Variants in PDE3B observed in about 807,000 individuals in gnomAD.
The protein encoded by PDE3B is phosphodiesterase 3B, also known as cGMP-inhibited 3',5'-cyclic phosphodiesterase 3B.
In PDE3B, 66 loss-of-function variants were observed where a neutral mutation model predicts 116.8. That is an observed-to-expected ratio of 0.56 (90% confidence interval 0.46 to 0.69). PDE3B has a LOEUF of 0.69. Among genes scored for constraint, PDE3B ranks in the 30% least tolerant of loss-of-function variants. The pLI, the probability that PDE3B is intolerant of heterozygous loss-of-function variation, is 0.00. For missense variants in PDE3B, 1,384 were observed against 1,368.1 expected (o/e 1.01, Z -0.18); for synonymous variants, 595 against 533.6 (o/e 1.12, Z -1.59).
rs145926540 is a variant in PDE3B at position 14,705,256 on chromosome 11, A to G, written c.978+60203A>G. 4.5e-3 allele frequency among the ~76,000 whole-genome samples: 686 copies of G among 151,940 alleles called. 3 individuals carry two copies. Among genetic ancestry groups the G allele is most frequent in the African/African-American group, 0.015 (611 of 41,532 alleles). ...AATAGCTGTAAACTGGGAACACCCA[A>G]ATATTCATTGCAGATGAATGGTTAA... is the stretch of plus-strand genomic sequence containing the variant. On this transcript the variant is annotated intron_variant, in intron 1 of 15. Transcript: ENST00000282096.
intron 13 of PDE3B, among the ~76,000 whole-genome samples, chr11:14,860,632 A>C (rs199745235): frequency 2.0e-5 from 3 of 152,156 alleles, no homozygotes; most frequent in African/African-American, 7.2e-5. Flanking sequence ...TAGATGAAGA[A>C]AGTTAGATTC....
At chr11:14,708,329 A>G (rs562965866) in intron 1 of PDE3B, among the ~76,000 whole-genome samples, 3 of 152,158 alleles carry the variant, frequency 2.0e-5, no homozygotes, top group African/African-American at 7.2e-5. Context: ...CCATTCTTGA[A>G]CTTTCCAGTC....
At chr11:14,718,969 C>CAA (rs1189434116) in intron 1 of PDE3B, among the ~76,000 whole-genome samples, 1 of 95,108 alleles carries the variant, frequency 1.1e-5, no homozygotes, top group Admixed American at 1.2e-4. Context: ...TTCAAAAAAT[C>CAA]AATGAATCCA....
In PDE3B at chr11:14,767,594, A is replaced by C. The variant is rs1172898198; in HGVS notation, c.979-4343A>C. ...AAAAGATATAAATAATATTCAAATG[A>C]TGTGAAAATACTTCAGGTAAGATGA... On this transcript the variant is annotated intron_variant, in intron 1 of 15. Transcript: ENST00000282096. Among the ~76,000 whole-genome samples the C allele has an allele frequency of 2.0e-5, 3 of 151,654 alleles. No homozygotes were observed. In the East Asian group the frequency reaches 5.8e-4, roughly 29 times the overall value.
At chr11:14,692,361 A>G (rs950339445) in intron 1 of PDE3B, among the ~76,000 whole-genome samples, 2 of 152,120 alleles carry the variant, frequency 1.3e-5, no homozygotes, top group Admixed American at 1.3e-4. Context: ...GTTTTGGTGC[A>G]GTGCTCTTAC....
At chr11:14,714,965 A>G (rs1182450272) in intron 1 of PDE3B, among the ~76,000 whole-genome samples, 1 of 152,112 alleles carries the variant, frequency 6.6e-6, no homozygotes, top group Non-Finnish European at 1.5e-5. Context: ...TAAATATTCT[A>G]TTGGTGATTA....
intron 4 of PDE3B, among the ~76,000 whole-genome samples, chr11:14,792,170 A>G (rs1858409686): frequency 6.6e-6 from 1 of 152,170 alleles, no homozygotes; most frequent in Non-Finnish European, 1.5e-5. Flanking sequence ...ACAGAGCTGC[A>G]GCCCTTACTT....
intron 1 of PDE3B, among the ~76,000 whole-genome samples, chr11:14,682,499 C>A (rs959146576): frequency 7.9e-5 from 12 of 151,960 alleles, no homozygotes; most frequent in Non-Finnish European, 1.3e-4. Flanking sequence ...TGGGGAGGTT[C>A]CTTTCAGTTC....
intron 7 of PDE3B, among the ~76,000 whole-genome samples, chr11:14,821,179 CT>C (rs1301464584): frequency 6.6e-6 from 1 of 152,104 alleles, no homozygotes; most frequent in Non-Finnish European, 1.5e-5. Flanking sequence ...ACCAGTCCAT[CT>C]AAATATGACC....
intron 1 of PDE3B, chr11:14,698,916 T>C (rs1301439830): frequency 6.6e-6 from 1 of 151,960 alleles, no homozygotes; most frequent in African/African-American, 2.4e-5. Flanking sequence ...GGAAAATGAG[T>C]GACCAGGTGA....
intron 11 of PDE3B, among the ~76,000 whole-genome samples, chr11:14,839,424 A>G (rs952921297): frequency 2.6e-5 from 4 of 152,222 alleles, no homozygotes; most frequent in Non-Finnish European, 5.9e-5. Context: ...TTTCCATCAC[A>G]TTGCTGTTCA....
Position 14,832,755 on chromosome 11 carries a change from T to C in PDE3B, c.2128T>C (p.Leu710=), listed in dbSNP as rs764336740. 13 of 1,491,204 alleles carry C rather than the reference T, an allele frequency of 8.7e-6. No individual in the cohort carries two copies. Among genetic ancestry groups the C allele is most frequent in the Middle Eastern group, 1.7e-4 (1 of 5,828 alleles). The allele number at this position is 1,491,204 out of a possible 1,614,324, so 92.4% of individuals were successfully genotyped here. A position where few individuals can be genotyped will look rare whatever the true frequency, so the allele number is the denominator to read the frequency against. ...TACCTTATTTCAAGACACTGGTTTA[T>C]TGGAAATATTTAAAATTCCCACTCA... The part of the protein sequence containing the change: ...MYTLFQDTGL[L]EIFKIPTQQF... The change falls in exon 10 of 16, where the codon TTG becomes CTG. Residue 710 remains leucine (L), a synonymous_variant. Coordinates refer to ENST00000282096, the MANE Select transcript of PDE3B (RefSeq NM_000922.4).
chr11:14,740,547 A>T (rs924196791), intron 1 of PDE3B, among the ~76,000 whole-genome samples: 2 of 152,126 alleles, frequency 1.3e-5, no homozygotes, highest in African/African-American at 2.4e-5. Flanking sequence ...GTTTTCAAAA[A>T]ACCAGCTCCT....
intron 5 of PDE3B, among the ~76,000 whole-genome samples, chr11:14,812,987 C>T (rs952020621): frequency 4.6e-5 from 7 of 152,246 alleles, no homozygotes; most frequent in South Asian, 2.1e-4. Flanking sequence ...TAATCCCTTC[C>T]GCCATGTGAG....
At chr11:14,879,311 C>A in the PDE3B span, 1 of 1,613,138 alleles carries the variant, frequency 6.2e-7, no homozygotes, top group Non-Finnish European at 8.5e-7. Flanking sequence ...ATGGAAAATC[C>A]CTAATGGAAC....
chr11:14,750,298 A>G (rs1419735404), intron 1 of PDE3B, among the ~76,000 whole-genome samples: 4 of 152,116 alleles, frequency 2.6e-5, no homozygotes, highest in Non-Finnish European at 5.9e-5. Context: ...TAACACATAA[A>G]ATTAACTATC....
intron 5 of PDE3B, among the ~76,000 whole-genome samples, chr11:14,817,570 T>C (rs1434338656): frequency 6.6e-6 from 1 of 152,062 alleles, no homozygotes; most frequent in Non-Finnish European, 1.5e-5. Context: ...GGCAACATCT[T>C]GAAACCCTGT....
the PDE3B span, chr11:14,879,458 G>A: frequency 4.4e-6 from 7 of 1,579,858 alleles, no homozygotes; most frequent in South Asian, 5.6e-5. Flanking sequence ...CAGAGAAAAA[G>A]TATTCAAGTT....
rs2133974180 is a variant in PDE3B, at chr11:14,844,101, C to A, written c.2520+75C>A. ...TCATGCTGTGTATCCCTTTATAAAT[C>A]ATTCAGTTGAATCATATGTCCAATC... On this transcript the variant is annotated intron_variant, in intron 12 of 15. Coordinates refer to ENST00000282096, the MANE Select transcript of PDE3B (RefSeq NM_000922.4). 4 of 1,069,732 alleles carry A rather than the reference C, an allele frequency of 3.7e-6. No homozygotes were observed. In the Middle Eastern group the frequency reaches 6.4e-4, roughly 170 times the overall value. 66.3% of individuals were successfully genotyped at this position (1,069,732 alleles called of 1,614,324 possible).
Sources: gnomAD v4.1 joint callset for allele counts (sites outside exome capture counted in the v4.1 genomes callset) on GRCh38, gnomAD v4.1.1 for gene constraint, MANE v1.5 for transcripts, NCBI Gene and HGNC (gene_info 2026-07-23, HGNC 2026-07-21) for gene names.